The following CHRDL2 variants were observed in gnomAD, a reference collection of about 807,000 sequenced individuals.
CHRDL2 encodes chordin-like protein 2.
CHRDL2 carries 41 observed loss-of-function variants against 54.3 expected under a neutral mutation model. The observed-to-expected ratio is 0.76, with a 90% CI of 0.59 to 0.98. The LOEUF (loss-of-function observed/expected upper bound fraction) is 0.98. Ranked by LOEUF, CHRDL2 falls within the 50% of genes least tolerant of loss-of-function variation. The pLI is 0.00. For missense variants in CHRDL2, 518 were observed against 562.4 expected, an observed-to-expected ratio of 0.92 and a Z score of 0.80; for synonymous variants, 220 against 224.3, an observed-to-expected ratio of 0.98 and a Z score of 0.17.
At chr11:74,711,062 G>A in intron 3 of CHRDL2, 71 bp from the exon 4 acceptor site, 1 of 1,508,974 alleles carries the variant, frequency 6.6e-7, no homozygotes, top group South Asian at 1.2e-5. Context: ...AATTAACAAG[G>A]CCACTTTTCT....
chr11:74,704,343 C>A, intron 7 of CHRDL2, 143 bp downstream of exon 7: 1 of 689,290 alleles, frequency 1.5e-6, no homozygotes, highest in Non-Finnish European at 2.3e-6. Context: ...TCAGTTTTGG[C>A]GTTCTCCGAG....
intron 3 of CHRDL2, among the ~76,000 whole-genome samples, chr11:74,712,531 G>C (rs1472700399): frequency 6.6e-6 from 1 of 152,054 alleles, no homozygotes; most frequent in Non-Finnish European, 1.5e-5. Flanking sequence ...TGTCCCCCCG[G>C]GGACCCACAG....
At chr11:74,696,717 G>A in intron 10 of CHRDL2, 132 bp from the exon 11 acceptor site, 1 of 674,304 alleles carries the variant, frequency 1.5e-6, no homozygotes, top group African/African-American at 1.8e-5. Flanking sequence ...CCCACAGGGA[G>A]CCTGGAGGCG....
intron 7 of CHRDL2, among the ~76,000 whole-genome samples, 193 bp from the exon 8 acceptor site, chr11:74,703,692 A>G (rs1207330484): frequency 6.6e-6 from 1 of 152,262 alleles, no homozygotes; most frequent in Non-Finnish European, 1.5e-5. Context: ...TGCAGCACTC[A>G]GAGCTGAGAT....
rs2033899523 is a variant in CHRDL2 at position 74,703,423 on chromosome 11, G to A, written c.828C>T (p.Pro276=). 1 of 1,613,596 alleles carries A rather than the reference G, an allele frequency of 6.2e-7. No homozygotes were observed. Among genetic ancestry groups the A allele is most frequent in the East Asian group, 2.2e-5 (1 of 44,874 alleles). The part of the protein sequence containing the change: ...HPAFRAFGPL[P]CILCTCEDGR... ...CATCCTCACAGGTGCATAGGATGCA[G>A]GGCAAGGGGCCGAAGGCACGGAAGG... The change falls in exon 8 of 11, where the codon CCC becomes CCT. Residue 276 remains proline, a synonymous_variant. Coordinates refer to ENST00000376332, the MANE Select transcript of CHRDL2 (RefSeq NM_001278473.3).
intron 6 of CHRDL2, 92 bp downstream of exon 6, chr11:74,706,395 A>G: frequency 3.2e-6 from 4 of 1,253,538 alleles, no homozygotes; most frequent in Non-Finnish European, 4.7e-6. Context: ...AATGAGGACA[A>G]TAACTGGTAT....
chr11:74,713,213 C>T (rs2034248597), intron 3 of CHRDL2, among the ~76,000 whole-genome samples, 173 bp downstream of exon 3: 1 of 152,218 alleles, frequency 6.6e-6, no homozygotes, highest in Non-Finnish European at 1.5e-5. Flanking sequence ...GTCTCTGCTA[C>T]CCCAGCACTG....
At chr11:74,715,590 G>A (rs1417709338) in intron 2 of CHRDL2, among the ~76,000 whole-genome samples, 1 of 149,042 alleles carries the variant, frequency 6.7e-6, no homozygotes, top group Non-Finnish European at 1.5e-5. Context: ...GCGACAGAGC[G>A]AGACTCCAAC....
intron 2 of CHRDL2, 123 bp from the exon 3 acceptor site, chr11:74,713,602 A>G: frequency 1.4e-6 from 1 of 716,950 alleles, no homozygotes. Flanking sequence ...CTGTGATTGG[A>G]CTGAAAACAA....
chr11:74,704,364 C>A, intron 7 of CHRDL2, 122 bp downstream of exon 7: 1 of 919,304 alleles, frequency 1.1e-6, no homozygotes, highest in Non-Finnish European at 1.6e-6. Context: ...TCTACAAGCT[C>A]ATGGCCAAGT....
At chr11:74,699,834 C>T (rs11607860) in intron 9 of CHRDL2, among the ~76,000 whole-genome samples, 8,810 of 152,304 alleles carry the variant, frequency 0.058, 352 homozygotes, top group Non-Finnish European at 0.085. Flanking sequence ...TTAACTCCCA[C>T]GGTCTGGGAC....
intron 6 of CHRDL2, 85 bp from the exon 7 acceptor site, chr11:74,704,739 A>G (rs1035964426): frequency 2.1e-6 from 3 of 1,414,814 alleles, no homozygotes; most frequent in African/African-American, 2.8e-5. Flanking sequence ...GGCTGCAGCA[A>G]GAGGCTGTGG....
intron 1 of CHRDL2, chr11:74,719,089 A>T (rs1253233693): frequency 9.0e-6 from 4 of 444,474 alleles, no homozygotes; most frequent in Non-Finnish European, 1.6e-5. Context: ...CTCACAGGGC[A>T]GTTAGGGAAT....
At chr11:74,700,209 T>C (rs1443342951) in intron 9 of CHRDL2, among the ~76,000 whole-genome samples, 1 of 152,202 alleles carries the variant, frequency 6.6e-6, no homozygotes, top group East Asian at 1.9e-4. Context: ...CCCCTTAGGT[T>C]TCTTAAGAGG....
At chr11:74,711,229 C>G (rs925531143) in intron 3 of CHRDL2, among the ~76,000 whole-genome samples, 3 of 152,166 alleles carry the variant, frequency 2.0e-5, no homozygotes, top group African/African-American at 7.2e-5. Context: ...CCTCCAGCCC[C>G]CTCAGTGTCT....
At chr11:74,698,649 GGATGGATGGATA>G (rs948081915) in intron 9 of CHRDL2, 1 of 149,178 alleles carries the variant, frequency 6.7e-6, no homozygotes, top group African/African-American at 2.5e-5. Context: ...ATGGATGGAT[GGATGGATGGATA>G]GATAGATGAA....
At chr11:74,700,724 C>T (rs1418790202) in intron 9 of CHRDL2, among the ~76,000 whole-genome samples, 1 of 151,728 alleles carries the variant, frequency 6.6e-6, no homozygotes, top group Non-Finnish European at 1.5e-5. Flanking sequence ...CTGCAACCTC[C>T]TGGGCTCAAG....
intron 2 of CHRDL2, among the ~76,000 whole-genome samples, chr11:74,718,213 C>A (rs368090514): frequency 5.3e-5 from 8 of 152,130 alleles, no homozygotes; most frequent in Admixed American, 2.0e-4. Context: ...GAGAAAGGGG[C>A]AGAGAAACTT....
chr11:74,726,844 T>G (rs2034579771), intron 1 of CHRDL2, among the ~76,000 whole-genome samples: 1 of 152,160 alleles, frequency 6.6e-6, no homozygotes, highest in African/African-American at 2.4e-5. Flanking sequence ...TTCACTTAGG[T>G]GCTCCCCACT....
Sources: gnomAD v4.1 joint callset for allele counts (sites outside exome capture counted in the v4.1 genomes callset) on GRCh38, gnomAD v4.1.1 for gene constraint, MANE v1.5 for transcripts, NCBI Gene and HGNC (gene_info 2026-07-23, HGNC 2026-07-21) for gene names.